Variants in PAFAH1B2 observed in about 807,000 individuals in gnomAD.
PAFAH1B2 encodes platelet activating factor acetylhydrolase 1b catalytic subunit 2.
Under a neutral mutation model 28.0 loss-of-function variants are expected in PAFAH1B2, and 8 were observed. That is an observed-to-expected ratio of 0.29 (90% CI 0.17 to 0.52). PAFAH1B2 has a LOEUF of 0.52. Among genes scored for constraint, PAFAH1B2 ranks in the 20% least tolerant of loss-of-function variants. PAFAH1B2 has a pLI of 0.97. For missense variants in PAFAH1B2, 190 were observed against 282.6 expected, an observed-to-expected ratio of 0.67 and a Z score of 2.35; for synonymous variants, 104 against 103.2, an observed-to-expected ratio of 1.01 and a Z score of -0.05.
In PAFAH1B2 at chr11:117,169,316, AGAT is replaced by A. The variant is rs1956592758; in HGVS notation, c.*1621_*1623del. 9.6e-7 allele frequency: 1 copy of A among 1,046,464 alleles called. No homozygotes were observed. Among genetic ancestry groups the A allele is most frequent in the Non-Finnish European group, 1.2e-6 (1 of 867,456 alleles). 64.8% of individuals were successfully genotyped at this position (1,046,464 alleles called of 1,614,324 possible). A position where few individuals can be genotyped will look rare whatever the true frequency, so the allele number is the denominator to read the frequency against. ...CTGCCATTAAAAAAAATGGGATAAT[AGAT>A]GATTTTATCAGTATACCTGTGGAAT... On this transcript the variant is annotated 3_prime_UTR_variant, in exon 6 of 6. Transcript: ENST00000527958.
At chr11:117,171,706 C>A (rs1228296086), downstream of PAFAH1B2, 1 of 1,535,844 alleles carries the variant, frequency 6.5e-7, no homozygotes, top group Non-Finnish European at 8.7e-7. Context: ...CGGGACCTAT[C>A]CTGATGACAC....
intron 4 of PAFAH1B2, among the ~76,000 whole-genome samples, chr11:117,162,104 C>A (rs1474795715): frequency 6.6e-6 from 1 of 152,092 alleles, no homozygotes; most frequent in East Asian, 1.9e-4. Flanking sequence ...CAAAAAAGAA[C>A]AAAAACTGAG....
rs1210653896 is a variant in PAFAH1B2 at position 117,146,564 on chromosome 11, G to A, written c.-8+2146G>A. On this transcript the variant is annotated intron_variant, in intron 1 of 5. Coordinates refer to ENST00000527958, the MANE Select transcript of PAFAH1B2 (RefSeq NM_002572.4). ...AAAAATTAGCCATGTGTGGTGGCGT[G>A]GGCCTGCAGTACCAGTTACTCTGGA... 2.6e-5 allele frequency among the ~76,000 whole-genome samples: 4 copies of A among 152,182 alleles called. No individual in the cohort carries two copies. The East Asian group carries it at 7.7e-4, about 29-fold the overall frequency.
chr11:117,174,405 A>C (rs1405191564), downstream of PAFAH1B2, among the ~76,000 whole-genome samples: 3 of 151,904 alleles, frequency 2.0e-5, no homozygotes, highest in Non-Finnish European at 4.4e-5. Flanking sequence ...GCTGGTCTCA[A>C]ACTCCTGACC....
chr11:117,147,452 T>C (rs1024779388), intron 1 of PAFAH1B2, among the ~76,000 whole-genome samples: 5 of 152,108 alleles, frequency 3.3e-5, no homozygotes, highest in African/African-American at 1.2e-4. Context: ...CCTGCCTTAG[T>C]GTCCCAAAGT....
rs1320101888 is a variant in PAFAH1B2, at chr11:117,144,365, G to A, written c.-61G>A. On this transcript the variant is annotated 5_prime_UTR_variant, in exon 1 of 6. Coordinates refer to ENST00000527958, the MANE Select transcript of PAFAH1B2 (RefSeq NM_002572.4). ...CGACGGGACCGAGCGAGCGACCGAC[G>A]CGCCACCCGCCGACGCCTCAGCCGC... 2.4e-6 allele frequency: 1 copy of A among 419,250 alleles called. No homozygotes were observed. Among genetic ancestry groups the A allele is most frequent in the South Asian group, 1.6e-5 (1 of 61,332 alleles). 26.0% of individuals were successfully genotyped at this position (419,250 alleles called of 1,614,324 possible). A position where few individuals can be genotyped will look rare whatever the true frequency, so the allele number is the denominator to read the frequency against.
intron 1 of PAFAH1B2, among the ~76,000 whole-genome samples, chr11:117,152,201 A>C (rs2134176665): frequency 6.6e-6 from 1 of 152,360 alleles, no homozygotes; most frequent in Middle Eastern, 3.4e-3. Context: ...AATGTACTGC[A>C]CTGCAACTAA....
In PAFAH1B2 at chr11:117,166,095, A is replaced by G. The variant is rs144969602; in HGVS notation, c.412-1326A>G. ...ACCTCGTTCGTGATCTGCCCGCCTC[A>G]TCCTCCCAAAGTGCTGGGATTACAG... is the stretch of plus-strand genomic sequence containing the variant. On this transcript the variant is annotated intron_variant, in intron 5 of 5. Coordinates refer to ENST00000527958, the MANE Select transcript of PAFAH1B2 (RefSeq NM_002572.4). 5.0e-3 allele frequency among the ~76,000 whole-genome samples: 758 copies of G among 152,186 alleles called. 10 individuals are homozygous for G. Among genetic ancestry groups the G allele is most frequent in the African/African-American group, 0.017 (694 of 41,532 alleles).
chr11:117,174,852 T>A (rs976580016), downstream of PAFAH1B2: 70 of 1,332,414 alleles, frequency 5.3e-5, no homozygotes, highest in African/African-American at 9.3e-4. Context: ...TGACTTCAGA[T>A]GATCCAACCG....
At chr11:117,171,672 A>G (rs1956653379), downstream of PAFAH1B2, 3 of 1,532,154 alleles carry the variant, frequency 2.0e-6, no homozygotes, top group Non-Finnish European at 8.7e-7. Context: ...TGAGACTAGA[A>G]CAAGGGTCGG....
At chr11:117,174,164 TTG>T (rs55735449), downstream of PAFAH1B2, among the ~76,000 whole-genome samples, 20,020 of 138,686 alleles carry the variant, frequency 0.14, 1,409 homozygotes, top group South Asian at 0.23. Context: ...TTCATGTCTT[TTG>T]TGTGTGTGTG....
downstream of PAFAH1B2, chr11:117,171,476 C>CCGTAA (rs1956647907): frequency 1.8e-6 from 1 of 548,002 alleles, no homozygotes; most frequent in Non-Finnish European, 3.3e-6. Flanking sequence ...GCGGAGGTTA[C>CCGTAA]CGTGAGACGA....
In PAFAH1B2 at chr11:117,168,663, C is replaced by G; in HGVS notation, c.*964C>G. The G allele has an allele frequency of 9.4e-7, 1 of 1,062,560 alleles. No homozygotes were observed. 65.8% of individuals were successfully genotyped at this position (1,062,560 alleles called of 1,614,324 possible). On this transcript the variant is annotated 3_prime_UTR_variant, in exon 6 of 6. Coordinates refer to ENST00000527958, the MANE Select transcript of PAFAH1B2 (RefSeq NM_002572.4). Reference sequence around the variant, plus strand: ...TCTGGTTTTGTTTTTCCCTTAAAACCTGTTAACAGTTTTTTTTGGGGGTGG... The same window carrying G: ...TCTGGTTTTGTTTTTCCCTTAAAACGTGTTAACAGTTTTTTTTGGGGGTGG...
chr11:117,175,423 G>A, downstream of PAFAH1B2: 1 of 1,059,510 alleles, frequency 9.4e-7, no homozygotes, highest in Non-Finnish European at 1.1e-6. Context: ...GCAGACCTGG[G>A]AACAGCAAGA....
chr11:117,151,299 G>A (rs1956145469), intron 1 of PAFAH1B2, among the ~76,000 whole-genome samples: 1 of 145,110 alleles, frequency 6.9e-6, no homozygotes, highest in African/African-American at 2.6e-5. Context: ...GTGTGATTTC[G>A]GCTCACTGCA....
intron 2 of PAFAH1B2, among the ~76,000 whole-genome samples, chr11:117,156,030 GA>G (rs1268390480): frequency 6.6e-6 from 1 of 151,436 alleles, no homozygotes. Context: ...ACAAAAAATA[GA>G]AAAAAAAATT....
At chr11:117,159,281 T>A (rs1386877374) in intron 2 of PAFAH1B2, 1 of 152,074 alleles carries the variant, frequency 6.6e-6, no homozygotes, top group Non-Finnish European at 1.5e-5. Flanking sequence ...ATGGTAAGGG[T>A]GAGAAGAAAG....
chr11:117,171,157 C>T (rs1421657626), downstream of PAFAH1B2: 3 of 724,524 alleles, frequency 4.1e-6, no homozygotes, highest in Non-Finnish European at 5.1e-6. Context: ...GATCCTGCTT[C>T]TTTACTGTGG....
intron 1 of PAFAH1B2, among the ~76,000 whole-genome samples, chr11:117,145,802 C>G (rs1467592258): frequency 6.6e-6 from 1 of 152,134 alleles, no homozygotes; most frequent in Admixed American, 6.6e-5. Flanking sequence ...CTTTCTTCAT[C>G]TGTTTTCCTG....
Sources: allele counts gnomAD v4.1 joint callset (sites outside exome capture counted in the v4.1 genomes callset), GRCh38; gene constraint gnomAD v4.1.1; transcripts MANE v1.5; gene names NCBI Gene and HGNC (gene_info 2026-07-23, HGNC 2026-07-21).